DNM3: variants seen among roughly 807,000 people sequenced by gnomAD.
DNM3 encodes dynamin-3.
A neutral mutation model predicts 101.6 loss-of-function variants in DNM3; 47 were observed. That is an observed-to-expected ratio of 0.46 (90% CI 0.37 to 0.59). DNM3 has a LOEUF of 0.59. Among genes scored for constraint, DNM3 ranks in the 20% least tolerant of loss-of-function variants. The pLI is 0.00. For missense variants in DNM3, 849 were observed against 1,085.7 expected, an observed-to-expected ratio of 0.78 and a Z score of 3.06; for synonymous variants, 385 against 387.9, an observed-to-expected ratio of 0.99 and a Z score of 0.09.
At chr1:172,241,861 A>T (rs550696016) in intron 14 of DNM3, among the ~76,000 whole-genome samples, 1 of 152,294 alleles carries the variant, frequency 6.6e-6, no homozygotes, top group South Asian at 2.1e-4. Flanking sequence ...AGTATATCTC[A>T]TCTGGAACTC....
At chr1:171,899,641 C>T (rs915897018) in intron 1 of DNM3, among the ~76,000 whole-genome samples, 5 of 152,126 alleles carry the variant, frequency 3.3e-5, no homozygotes, top group Non-Finnish European at 5.9e-5. Context: ...ATGGTAGTTA[C>T]TAAGGGTTTG....
At chr1:172,032,315 T>C in intron 4 of DNM3, 87 bp from the exon 5 acceptor site, 1 of 941,840 alleles carries the variant, frequency 1.1e-6, no homozygotes, top group Non-Finnish European at 1.7e-6. Flanking sequence ...CAGGAAAATG[T>C]GCTTTACATT....
At chr1:172,236,720 A>C (rs1488073627) in intron 14 of DNM3, among the ~76,000 whole-genome samples, 1 of 152,096 alleles carries the variant, frequency 6.6e-6, no homozygotes, top group East Asian at 1.9e-4. Context: ...ATTTACATTT[A>C]CATTGTTTAT....
chr1:172,353,073 C>T (rs1460505837), intron 17 of DNM3, among the ~76,000 whole-genome samples: 5 of 152,156 alleles, frequency 3.3e-5, no homozygotes, highest in Admixed American at 1.3e-4. Flanking sequence ...ACATACACCC[C>T]TGATGCTCCA....
chr1:172,309,360 A>G (rs1421905121), intron 16 of DNM3: 2 of 152,324 alleles, frequency 1.3e-5, no homozygotes, highest in Non-Finnish European at 1.5e-5. Flanking sequence ...TGCTATTTCC[A>G]CTTGTCTTTA....
At chr1:172,405,133 G>A (rs1303645287) in intron 20 of DNM3, among the ~76,000 whole-genome samples, 1 of 151,998 alleles carries the variant, frequency 6.6e-6, no homozygotes, top group Admixed American at 6.6e-5. Context: ...CCTTGATCTA[G>A]CCTAAACTCT....
chr1:171,958,005 G>A (rs923246817), intron 2 of DNM3, among the ~76,000 whole-genome samples: 1 of 152,166 alleles, frequency 6.6e-6, no homozygotes, highest in Non-Finnish European at 1.5e-5. Context: ...TCATTTTGCT[G>A]ATAAAGACAT....
chr1:172,159,278 T>G (rs2058458174), intron 14 of DNM3, among the ~76,000 whole-genome samples: 1 of 152,088 alleles, frequency 6.6e-6, no homozygotes. Flanking sequence ...ACTTTTGTCT[T>G]CTTTGCCTCA....
At chr1:171,952,424 G>A (rs952342226) in intron 2 of DNM3, among the ~76,000 whole-genome samples, 2 of 152,044 alleles carry the variant, frequency 1.3e-5, no homozygotes, top group Non-Finnish European at 2.9e-5. Context: ...TTGTTTTTTC[G>A]GTCTTAATGA....
chr1:171,986,187 T>C (rs1222800145), intron 2 of DNM3, among the ~76,000 whole-genome samples: 1 of 152,148 alleles, frequency 6.6e-6, no homozygotes, highest in East Asian at 1.9e-4. Flanking sequence ...CTCCCTACTG[T>C]TCAGTATTCA....
chr1:172,276,987 A>G (rs1252597432), intron 15 of DNM3, among the ~76,000 whole-genome samples: 1 of 152,042 alleles, frequency 6.6e-6, no homozygotes, highest in Non-Finnish European at 1.5e-5. Flanking sequence ...TTTTCTTTAA[A>G]AAAATATGTG....
chr1:172,045,452 G>A (rs1423361019), intron 9 of DNM3, among the ~76,000 whole-genome samples: 2 of 152,002 alleles, frequency 1.3e-5, no homozygotes, highest in African/African-American at 4.8e-5. Context: ...TAGCTCTCTG[G>A]CCTCTTCTTA....
At chr1:171,891,458 C>A (rs1210091253) in intron 1 of DNM3, among the ~76,000 whole-genome samples, 2 of 151,794 alleles carry the variant, frequency 1.3e-5, no homozygotes, top group East Asian at 3.9e-4. Context: ...TAATGAACCA[C>A]TACTTTTACA....
downstream of DNM3, among the ~76,000 whole-genome samples, chr1:172,417,074 T>G (rs536319018): frequency 3.3e-5 from 5 of 152,040 alleles, no homozygotes; most frequent in African/African-American, 9.7e-5. Context: ...AGTTTTTCTG[T>G]TTTTGTTTTT....
intron 15 of DNM3, among the ~76,000 whole-genome samples, chr1:172,256,695 C>G (rs932582410): frequency 1.3e-5 from 2 of 151,454 alleles, no homozygotes; most frequent in African/African-American, 2.4e-5. Context: ...TTAATTATTT[C>G]CTTCCTTGTA....
chr1:171,982,195 T>C (rs2125592291), intron 2 of DNM3, among the ~76,000 whole-genome samples: 1 of 152,338 alleles, frequency 6.6e-6, no homozygotes, highest in South Asian at 2.1e-4. Flanking sequence ...TGGTAAACTA[T>C]GGTATACTAT....
intron 2 of DNM3, among the ~76,000 whole-genome samples, chr1:171,978,610 A>G (rs980284799): frequency 1.3e-5 from 2 of 152,086 alleles, no homozygotes; most frequent in Non-Finnish European, 2.9e-5. Context: ...TGGAAAACCA[A>G]TAAAAGGCTT....
intron 12 of DNM3, among the ~76,000 whole-genome samples, chr1:172,086,356 T>G (rs749650972): frequency 6.6e-6 from 1 of 152,176 alleles, no homozygotes; most frequent in Non-Finnish European, 1.5e-5. Context: ...TAAGTTACAC[T>G]CTTGGGACTC....
intron 16 of DNM3, 132 bp from the exon 17 acceptor site, chr1:172,323,197 C>G: frequency 1.1e-6 from 1 of 912,816 alleles, no homozygotes; most frequent in Non-Finnish European, 1.6e-6. Flanking sequence ...GTTTTGATTT[C>G]ACTCTAGCAA....
Sources: allele counts gnomAD v4.1 joint callset (sites outside exome capture counted in the v4.1 genomes callset), GRCh38; gene constraint gnomAD v4.1.1; transcripts MANE v1.5; gene names NCBI Gene and HGNC (gene_info 2026-07-23, HGNC 2026-07-21).